Variants in ANAPC4 observed in about 807,000 individuals in gnomAD.
ANAPC4 encodes anaphase promoting complex subunit 4.
ANAPC4 carries 63 observed loss-of-function variants against 119.8 expected under a neutral mutation model. The ratio of observed to expected loss-of-function variants is 0.53; its 90% confidence interval spans 0.43 to 0.65. The LOEUF is 0.65. ANAPC4 is among the 30% of genes least tolerant of loss of function. ANAPC4 has a pLI of 0.00. For missense variants in ANAPC4, 716 were observed against 945.1 expected, an observed-to-expected ratio of 0.76 and a Z score of 3.18; for synonymous variants, 283 against 318.6, an observed-to-expected ratio of 0.89 and a Z score of 1.19.
chr4:25,393,178 T>C (rs1410812346), intron 10 of ANAPC4, among the ~76,000 whole-genome samples: 1 of 152,208 alleles, frequency 6.6e-6, no homozygotes, highest in Non-Finnish European at 1.5e-5. Flanking sequence ...TAAAATTGAA[T>C]AATTGACCAA....
At position 25,381,455 on chromosome 4, in the gene ANAPC4, C is replaced by T. The variant is rs147705886; in HGVS notation, c.235+976C>T. On this transcript the variant is annotated intron_variant, in intron 3 of 28. Transcript: ENST00000315368. ...CCTCCTGAGTAACTAAGACTACAGG[C>T]GTGCACCTTCATCCCTGGCTAATTT... 3.2e-3 allele frequency among the ~76,000 whole-genome samples: 494 copies of T among 152,176 alleles called. 1 individual carries two copies. Among genetic ancestry groups the T allele is most frequent in the African/African-American group, 0.011 (477 of 41,522 alleles).
Position 25,405,735 on chromosome 4 carries a change from C to T in ANAPC4, c.1317+116C>T, listed in dbSNP as rs879037929. Reference sequence around the variant, plus strand: ...AGTTAACAGGATGTCAGGATGTAGACGTTAGATCCCTTAAGCACCACCTTT... The same window carrying T: ...AGTTAACAGGATGTCAGGATGTAGATGTTAGATCCCTTAAGCACCACCTTT... On this transcript the variant is annotated intron_variant, in intron 18 of 28. Coordinates refer to ENST00000315368, the MANE Select transcript of ANAPC4 (RefSeq NM_013367.3). This position sits in a 1 kb window ranked among gnomAD's most constrained non-coding sequence, Gnocchi z 4.6. The T allele has an allele frequency of 2.3e-5, 21 of 930,160 alleles. No individual in the cohort carries two copies. Among genetic ancestry groups the T allele is most frequent in the East Asian group, 7.4e-5 (3 of 40,566 alleles). The allele number at this position is 930,160 out of a possible 1,614,324, so 57.6% of individuals were successfully genotyped here.
intron 14 of ANAPC4, 31 bp downstream of exon 14, chr4:25,394,936 T>C (rs1416456299): frequency 1.3e-6 from 2 of 1,544,206 alleles, no homozygotes; most frequent in East Asian, 2.3e-5. Context: ...TTTTTGGTAT[T>C]GTATCCACAC....
At chr4:25,391,901 T>C (rs1008988345) in intron 9 of ANAPC4, among the ~76,000 whole-genome samples, 2 of 152,240 alleles carry the variant, frequency 1.3e-5, no homozygotes, top group Admixed American at 1.3e-4. Flanking sequence ...ATTTGGATTA[T>C]AATAAAATGA....
intron 27 of ANAPC4, chr4:25,417,348 T>C (rs938128727): frequency 4.4e-6 from 1 of 225,938 alleles, no homozygotes; most frequent in Admixed American, 5.3e-5. Context: ...CTTGAACTCC[T>C]GGACTCAAGC....
intron 13 of ANAPC4, 27 bp downstream of exon 13, chr4:25,394,740 A>G (rs769314644): frequency 6.2e-7 from 1 of 1,603,820 alleles, no homozygotes; most frequent in East Asian, 2.2e-5. Flanking sequence ...TATGTATTCA[A>G]ATGGCTATGA....
intron 14 of ANAPC4, 29 bp downstream of exon 14, chr4:25,394,934 ATTGTATCCACACAT>A: frequency 6.4e-7 from 1 of 1,571,486 alleles, no homozygotes; most frequent in Non-Finnish European, 8.7e-7. Flanking sequence ...ATTTTTTGGT[ATTGTATCCACACAT>A]ACCTGGCGTT....
At chr4:25,407,281 CT>C in intron 20 of ANAPC4, 28 bp downstream of exon 20, 1 of 1,547,892 alleles carries the variant, frequency 6.5e-7, no homozygotes, top group Non-Finnish European at 8.7e-7. Flanking sequence ...ATTTTAAAAC[CT>C]TAGCAGTGTT....
At chr4:25,408,958 A>G (rs927112231) in intron 20 of ANAPC4, among the ~76,000 whole-genome samples, 2 of 152,258 alleles carry the variant, frequency 1.3e-5, no homozygotes, top group African/African-American at 4.8e-5. Context: ...TTCATTAAAG[A>G]TAAATGAAAC....
At position 25,391,035 on chromosome 4, in the gene ANAPC4, A is replaced by G. The variant is rs764180825; in HGVS notation, c.705+20A>G. 1 of 1,518,242 alleles carries G rather than the reference A, an allele frequency of 6.6e-7. No individual in the cohort carries two copies. The highest frequency in any genetic ancestry group is 1.7e-5 in the Admixed American group (1 of 59,684). 94.0% of individuals were successfully genotyped at this position (1,518,242 alleles called of 1,614,324 possible). ...TTTCAGGTGAGTATTGGAACTTGATAACGGTAGAGAGTAAATATGTATTTA... is the reference window on the plus strand; with the variant it reads ...TTTCAGGTGAGTATTGGAACTTGATGACGGTAGAGAGTAAATATGTATTTA... On this transcript the variant is annotated intron_variant, in intron 9 of 28. Transcript: ENST00000315368.
intron 14 of ANAPC4, 94 bp from the exon 15 acceptor site, chr4:25,396,570 T>A (rs974219912): frequency 1.1e-6 from 1 of 917,486 alleles, no homozygotes; most frequent in Non-Finnish European, 1.6e-6. Flanking sequence ...AAAGTTACTT[T>A]CAGTTTTTAT....
intron 16 of ANAPC4, among the ~76,000 whole-genome samples, chr4:25,402,615 A>G (rs1723037815): frequency 6.6e-6 from 1 of 152,226 alleles, no homozygotes; most frequent in Non-Finnish European, 1.5e-5. Flanking sequence ...TTCTTTTAAA[A>G]TGAGAATAAT....
chr4:25,380,700 T>C, intron 3 of ANAPC4: 1 of 371,564 alleles, frequency 2.7e-6, no homozygotes, highest in Non-Finnish European at 4.8e-6. Flanking sequence ...AAATCTGGCT[T>C]CTTGGCAAAG....
intron 13 of ANAPC4, 41 bp from the exon 14 acceptor site, chr4:25,394,788 A>T: frequency 6.3e-7 from 1 of 1,597,384 alleles, no homozygotes; most frequent in African/African-American, 1.3e-5. Flanking sequence ...GGCATATAAT[A>T]TCCTGATTGT....
intron 21 of ANAPC4, 99 bp downstream of exon 21, chr4:25,409,890 A>G: frequency 1.3e-6 from 1 of 770,136 alleles, no homozygotes; most frequent in African/African-American, 1.8e-5. Flanking sequence ...CTTGCTGAAC[A>G]CTTACCTAAG....
In ANAPC4 at chr4:25,396,911, G is replaced by A; in HGVS notation, c.1214+12G>A. 2 of 1,607,976 alleles carry A rather than the reference G, an allele frequency of 1.2e-6. No individual in the cohort carries two copies. On this transcript the variant is annotated intron_variant, in intron 16 of 28. Transcript: ENST00000315368. Reference sequence around the variant, plus strand: ...AATGAACTTCTTCAGTAAGTATTGGGAGTACCTGGAATCACTGACCTAAGA... The same window carrying A: ...AATGAACTTCTTCAGTAAGTATTGGAAGTACCTGGAATCACTGACCTAAGA...
At chr4:25,416,374 T>C in intron 26 of ANAPC4, 51 bp from the exon 27 acceptor site, 6 of 1,289,228 alleles carry the variant, frequency 4.7e-6, no homozygotes, top group Non-Finnish European at 6.2e-6. Flanking sequence ...TACAATATTT[T>C]CTCAGTAGTC....
At chr4:25,392,856 G>A (rs1358444422) in intron 10 of ANAPC4, among the ~76,000 whole-genome samples, 3 of 152,142 alleles carry the variant, frequency 2.0e-5, no homozygotes, top group Non-Finnish European at 2.9e-5. Context: ...CAGCTGGTAT[G>A]TGTCCCTTGG....
intron 22 of ANAPC4, 90 bp from the exon 23 acceptor site, chr4:25,414,234 C>T: frequency 1.1e-6 from 1 of 915,310 alleles, no homozygotes; most frequent in Non-Finnish European, 1.6e-6. Context: ...TTTTTTACCA[C>T]ATTCGAACAG....
Sources: gnomAD v4.1 joint callset for allele counts (sites outside exome capture counted in the v4.1 genomes callset) on GRCh38, gnomAD v4.1.1 for gene constraint, Gnocchi (gnomAD v3.1) non-coding constraint, MANE v1.5 for transcripts, NCBI Gene and HGNC (gene_info 2026-07-23, HGNC 2026-07-21) for gene names.